Variants in DHX32 observed in about 807,000 individuals in gnomAD.
The protein encoded by DHX32 is putative pre-mRNA-splicing factor ATP-dependent RNA helicase DHX32.
A neutral mutation model predicts 70.0 loss-of-function variants in DHX32; 51 were observed. That is an observed-to-expected ratio of 0.73 (90% CI 0.58 to 0.92). DHX32 has a LOEUF of 0.92. Ranked by LOEUF, DHX32 falls within the 40% of genes least tolerant of loss-of-function variation. The probability of loss-of-function intolerance (pLI) is 0.00; values close to 1 mark genes in which losing one functional copy is unlikely to be tolerated. For missense variants in DHX32, 762 were observed against 891.8 expected, an observed-to-expected ratio of 0.85 and a Z score of 1.85; for synonymous variants, 310 against 315.3, an observed-to-expected ratio of 0.98 and a Z score of 0.18.
intron 1 of DHX32, among the ~76,000 whole-genome samples, chr10:125,892,632 A>C (rs1342396251): frequency 2.0e-5 from 3 of 151,970 alleles, no homozygotes; most frequent in Admixed American, 1.3e-4. Context: ...TTTCCTGTTT[A>C]CCCTTTATGA....
At chr10:125,864,885 G>A (rs1421329720) in intron 2 of DHX32, among the ~76,000 whole-genome samples, 5 of 118,702 alleles carry the variant, frequency 4.2e-5, no homozygotes, top group African/African-American at 6.5e-5. Flanking sequence ...AGCTGAGATC[G>A]TGCCACTTCA....
intron 1 of DHX32, among the ~76,000 whole-genome samples, chr10:125,891,341 ATCTCTC>A (rs796462443): frequency 6.9e-6 from 1 of 145,730 alleles, no homozygotes; most frequent in Non-Finnish European, 1.5e-5. Flanking sequence ...ACTTTTATCC[ATCTCTC>A]TCTCTCTTTT....
chr10:125,840,083 C>T (rs753820032), intron 8 of DHX32, among the ~76,000 whole-genome samples: 3 of 152,210 alleles, frequency 2.0e-5, no homozygotes, highest in African/African-American at 7.2e-5. Flanking sequence ...CACCATCTTT[C>T]AGAACAAAGG....
chr10:125,881,767 G>A (rs913351942), upstream of DHX32, among the ~76,000 whole-genome samples: 32 of 152,246 alleles, frequency 2.1e-4, no homozygotes, highest in Non-Finnish European at 8.8e-5. Context: ...TCAGCCTCCT[G>A]AGTAGCTGGG....
intron 6 of DHX32, 96 bp downstream of exon 6, chr10:125,852,197 T>G (rs1368388186): frequency 6.9e-7 from 1 of 1,443,824 alleles, no homozygotes; most frequent in African/African-American, 1.4e-5. Flanking sequence ...CATGCTTGTG[T>G]GCATTGCTGC....
intron 8 of DHX32, 126 bp from the exon 9 acceptor site, chr10:125,839,314 A>G (rs902775733): frequency 4.4e-6 from 4 of 902,038 alleles, no homozygotes; most frequent in Non-Finnish European, 4.9e-6. Flanking sequence ...CACGTAGGTG[A>G]GTGGCAGGAA....
upstream of DHX32, among the ~76,000 whole-genome samples, chr10:125,886,043 G>A (rs530602472): frequency 6.6e-6 from 1 of 152,252 alleles, no homozygotes; most frequent in South Asian, 2.1e-4. Context: ...TGGACCCATC[G>A]CCTCTCTGCC....
chr10:125,848,121 AG>A (rs1267594057), intron 6 of DHX32, among the ~76,000 whole-genome samples: 1 of 152,174 alleles, frequency 6.6e-6, no homozygotes, highest in African/African-American at 2.4e-5. Context: ...GATTTATTTT[AG>A]GGTTGGGACT....
intron 6 of DHX32, among the ~76,000 whole-genome samples, chr10:125,849,017 A>G (rs1378630444): frequency 6.6e-6 from 1 of 152,176 alleles, no homozygotes; most frequent in Non-Finnish European, 1.5e-5. Context: ...TAGTCCCCTC[A>G]ATATGGGGAC....
chr10:125,843,223 G>A (rs1175427283), intron 6 of DHX32, among the ~76,000 whole-genome samples: 1 of 152,030 alleles, frequency 6.6e-6, no homozygotes, highest in Non-Finnish European at 1.5e-5. Context: ...GAAGACTCTG[G>A]GGCCCTAAGA....
At chr10:125,836,879 G>A in intron 10 of DHX32, 24 bp from the exon 11 acceptor site, 3 of 1,607,834 alleles carry the variant, frequency 1.9e-6, no homozygotes, top group Non-Finnish European at 2.6e-6. Flanking sequence ...ACAAAAAGAT[G>A]AGATTATGAG....
chr10:125,894,510 A>G (rs1293561302), intron 1 of DHX32, among the ~76,000 whole-genome samples: 1 of 152,280 alleles, frequency 6.6e-6, no homozygotes, highest in Non-Finnish European at 1.5e-5. Context: ...CTTGTCACCT[A>G]AAGTATTTCA....
chr10:125,840,698 C>T, intron 8 of DHX32, 149 bp downstream of exon 8: 2 of 786,510 alleles, frequency 2.5e-6, no homozygotes, highest in African/African-American at 1.8e-5. Flanking sequence ...CTGCAGATGC[C>T]TGTGGGTGCG....
intron 1 of DHX32, among the ~76,000 whole-genome samples, chr10:125,894,447 T>G (rs7475268): frequency 8.2e-6 from 1 of 121,962 alleles, no homozygotes; most frequent in African/African-American, 3.2e-5. Flanking sequence ...CAGTCTTCTT[T>G]CACAGGTACC....
At chr10:125,841,091 T>C in intron 7 of DHX32, 95 bp from the exon 8 acceptor site, 1 of 1,442,118 alleles carries the variant, frequency 6.9e-7, no homozygotes, top group Non-Finnish European at 9.4e-7. Context: ...GTTAGTGGCA[T>C]GGCTCCTGTC....
intron 4 of DHX32, chr10:125,853,093 G>T (rs372226641): frequency 8.4e-5 from 124 of 1,475,392 alleles, no homozygotes; most frequent in Non-Finnish European, 1.1e-4. Context: ...TACAGAAACT[G>T]CGTATGGCAC....
At chr10:125,838,698 T>C (rs1439941040) in intron 9 of DHX32, among the ~76,000 whole-genome samples, 2 of 152,110 alleles carry the variant, frequency 1.3e-5, no homozygotes, top group Non-Finnish European at 2.9e-5. Context: ...CGACATACAC[T>C]CCAATGCCAA....
At chr10:125,841,692 A>G (rs1187870563) in intron 7 of DHX32, 51 bp downstream of exon 7, 2 of 1,583,702 alleles carry the variant, frequency 1.3e-6, no homozygotes, top group Non-Finnish European at 1.7e-6. Flanking sequence ...ATCTAAATCT[A>G]TACCTAGTGC....
At chr10:125,848,668 C>CGA (rs1356798511) in intron 6 of DHX32, among the ~76,000 whole-genome samples, 2 of 152,290 alleles carry the variant, frequency 1.3e-5, no homozygotes, top group Admixed American at 1.3e-4. Context: ...CTCCTAATAA[C>CGA]TGAGGGTCAT....
Sources: gnomAD v4.1 joint callset for allele counts (sites outside exome capture counted in the v4.1 genomes callset) on GRCh38, gnomAD v4.1.1 for gene constraint, MANE v1.5 for transcripts, NCBI Gene and HGNC (gene_info 2026-07-23, HGNC 2026-07-21) for gene names.